PHF14: variants seen among roughly 807,000 people sequenced by gnomAD.
The protein encoded by PHF14 is PHD finger protein 14.
PHF14 carries 55 observed loss-of-function variants against 117.9 expected under a neutral mutation model. The ratio of observed to expected loss-of-function variants is 0.47; its 90% CI spans 0.38 to 0.58. The LOEUF is 0.58. PHF14 is among the 20% of genes least tolerant of loss of function. PHF14 has a pLI of 0.00. For synonymous variants in PHF14, 409 were observed against 368.6 expected, an observed-to-expected ratio of 1.11 and a Z score of -1.26; for missense variants, 978 against 1,122.2, an observed-to-expected ratio of 0.87 and a Z score of 1.84.
chr7:11,049,046 G>A (rs1232714139), intron 13 of PHF14, among the ~76,000 whole-genome samples: 12 of 152,118 alleles, frequency 7.9e-5, no homozygotes, highest in Non-Finnish European at 1.5e-4. Context: ...AAAGAGAAGC[G>A]AAGAGGAAAT....
intron 17 of PHF14, among the ~76,000 whole-genome samples, chr7:11,121,127 T>C (rs79017307): frequency 0.083 from 12,611 of 152,192 alleles, 564 homozygotes; most frequent in African/African-American, 0.11. Flanking sequence ...AGTTTCATCA[T>C]CCCTAAAGAA....
At chr7:11,151,733 G>C (rs1403606122) in intron 17 of PHF14, among the ~76,000 whole-genome samples, 1 of 152,118 alleles carries the variant, frequency 6.6e-6, no homozygotes, top group Non-Finnish European at 1.5e-5. Flanking sequence ...CTCTGTAGAG[G>C]CTTGTGATTC....
At chr7:11,153,605 A>G (rs565414516) in intron 17 of PHF14, among the ~76,000 whole-genome samples, 13 of 152,298 alleles carry the variant, frequency 8.5e-5, no homozygotes, top group East Asian at 3.9e-4. Context: ...CCAGATGACT[A>G]TTATCAAAGG....
At position 11,022,892 on chromosome 7, in the gene PHF14, G is replaced by C. The variant is rs368000281; in HGVS notation, c.1230G>C (p.Leu410=). Residue 410 remains leucine (L), a synonymous_variant, in exon 6 of 18, where the codon CTG becomes CTC. Coordinates refer to ENST00000634607, the MANE Select transcript of PHF14 (RefSeq NM_001007157.2). The stretch of plus-strand genomic sequence containing the variant: ...GATGGGTTCATATTGTTTGTGCCCT[G>C]TATGTTCCTGGAGTAGCCTTTGGAG... ...AGRWVHIVCA[L]YVPGVAFGDI... is the part of the protein sequence containing the mutation. The C allele has an allele frequency of 1.9e-6, 3 of 1,606,234 alleles. No individual in the cohort carries two copies. The highest frequency in any genetic ancestry group is 2.7e-5 in the African/African-American group (2 of 74,730).
chr7:11,106,494 T>TA, intron 16 of PHF14: 1 of 947,618 alleles, frequency 1.1e-6, no homozygotes, highest in Admixed American at 6.2e-5. Flanking sequence ...ATATTGTACT[T>TA]ATTGATACTA....
chr7:11,017,997 A>G (rs1003890840), intron 5 of PHF14, among the ~76,000 whole-genome samples: 4 of 152,184 alleles, frequency 2.6e-5, no homozygotes, highest in African/African-American at 9.6e-5. Flanking sequence ...CAGTTTTTCC[A>G]GCACCATTTG....
At chr7:11,078,763 A>G (rs1258968021) in intron 16 of PHF14, among the ~76,000 whole-genome samples, 1 of 152,134 alleles carries the variant, frequency 6.6e-6, no homozygotes, top group African/African-American at 2.4e-5. Context: ...GGAATTAATT[A>G]TAACGCAGTC....
chr7:11,099,828 A>C (rs1305780708), intron 16 of PHF14, among the ~76,000 whole-genome samples: 3 of 152,096 alleles, frequency 2.0e-5, no homozygotes, highest in African/African-American at 7.2e-5. Flanking sequence ...AAGATCCTAA[A>C]GTCTGTAATC....
intron 4 of PHF14, among the ~76,000 whole-genome samples, chr7:11,004,246 C>CAAAAAAAAAAAAAAAAAA (rs55917513): frequency 1.9e-5 from 1 of 51,282 alleles, no homozygotes; most frequent in Non-Finnish European, 3.9e-5. Context: ...GACTTTGTCT[C>CAAAAAAAAAAAAAAAAAA]AAAAAAAAAA....
chr7:11,103,919 T>C (rs2128341933), intron 16 of PHF14: 2 of 982,690 alleles, frequency 2.0e-6, no homozygotes, highest in African/African-American at 1.7e-5. Context: ...TAGTAGACTT[T>C]TGTTTAAAAG....
chr7:11,001,553 C>A (rs1313861513), intron 4 of PHF14, among the ~76,000 whole-genome samples: 1 of 151,738 alleles, frequency 6.6e-6, no homozygotes, highest in Admixed American at 6.6e-5. Context: ...TTATTTAGTT[C>A]TTTGATTTCT....
At chr7:10,974,766 T>A in intron 1 of PHF14, 69 bp from the exon 2 acceptor site, 1 of 805,990 alleles carries the variant, frequency 1.2e-6, no homozygotes, top group Non-Finnish European at 2.0e-6. Flanking sequence ...TTATGTTCTC[T>A]TAGCACCACA....
intron 17 of PHF14, among the ~76,000 whole-genome samples, chr7:11,144,059 G>T (rs1203733398): frequency 6.6e-6 from 1 of 151,918 alleles, no homozygotes; most frequent in Admixed American, 6.6e-5. Flanking sequence ...ATTTTAAAAA[G>T]GATCTGAGTA....
intron 4 of PHF14, among the ~76,000 whole-genome samples, chr7:10,997,355 G>T (rs1782691539): frequency 6.6e-6 from 1 of 152,192 alleles, no homozygotes; most frequent in African/African-American, 2.4e-5. Flanking sequence ...TGCAATTCCT[G>T]TGATGAGTTT....
intron 4 of PHF14, among the ~76,000 whole-genome samples, chr7:11,002,283 A>T: frequency 6.6e-6 from 1 of 151,928 alleles, no homozygotes; most frequent in East Asian, 1.9e-4. Context: ...GATAAAAGGA[A>T]CTCTGCAATG....
At chr7:11,016,138 C>T (rs954329134) in intron 5 of PHF14, among the ~76,000 whole-genome samples, 20 of 151,968 alleles carry the variant, frequency 1.3e-4, no homozygotes, top group African/African-American at 4.6e-4. Flanking sequence ...AAGTAGACAC[C>T]TCCTGTGATG....
In PHF14 at chr7:11,065,618, G is replaced by C. The variant is rs141332027; in HGVS notation, c.2654+3533G>C. On this transcript the variant is annotated intron_variant, in intron 16 of 17. Coordinates refer to ENST00000634607, the MANE Select transcript of PHF14 (RefSeq NM_001007157.2). ...AAATGTAGTGGATAGTTTTTCCTCT[G>C]CTGTATTTTAAGTAAGGAAATAGAT... Among the ~76,000 whole-genome samples the C allele has an allele frequency of 1.4e-4, 22 of 152,190 alleles. 1 individual carries two copies. Among genetic ancestry groups the C allele is most frequent in the African/African-American group, 5.3e-4 (22 of 41,540 alleles).
intron 14 of PHF14, among the ~76,000 whole-genome samples, chr7:11,055,407 A>T (rs1351279176): frequency 1.3e-5 from 2 of 151,986 alleles, no homozygotes; most frequent in African/African-American, 4.8e-5. Flanking sequence ...CTCTCTTTCC[A>T]TTGTTTTTAC....
intron 16 of PHF14, among the ~76,000 whole-genome samples, chr7:11,083,156 A>T (rs1786219187): frequency 6.6e-6 from 1 of 152,238 alleles, no homozygotes; most frequent in Admixed American, 6.5e-5. Flanking sequence ...GCACAGGGGC[A>T]GGATTTGCGT....
Sources: allele counts gnomAD v4.1 joint callset (sites outside exome capture counted in the v4.1 genomes callset), GRCh38; gene constraint gnomAD v4.1.1; transcripts MANE v1.5; gene names NCBI Gene and HGNC (gene_info 2026-07-23, HGNC 2026-07-21).